CCSER2: variants seen among roughly 807,000 people sequenced by gnomAD.
CCSER2 encodes serine-rich coiled-coil domain-containing protein 2.
A neutral mutation model predicts 92.3 loss-of-function variants in CCSER2; 46 were observed. The ratio of observed to expected loss-of-function variants is 0.50; its 90% CI spans 0.39 to 0.64. The LOEUF (loss-of-function observed/expected upper bound fraction) is 0.64, where lower values mean the gene tolerates loss of function less well. Among genes scored for constraint, CCSER2 ranks in the 30% least tolerant of loss-of-function variants. The probability of loss-of-function intolerance (pLI) is 0.00; values close to 1 mark genes in which losing one functional copy is unlikely to be tolerated. For synonymous variants in CCSER2, 433 were observed against 431.4 expected, an observed-to-expected ratio of 1.00 and a Z score of -0.04; for missense variants, 1,244 against 1,238.9, an observed-to-expected ratio of 1.00 and a Z score of -0.06.
At chr10:84,403,120 A>G (rs1337285721) in intron 3 of CCSER2, among the ~76,000 whole-genome samples, 1 of 152,206 alleles carries the variant, frequency 6.6e-6, no homozygotes, top group Non-Finnish European at 1.5e-5. Context: ...ACATAGATCA[A>G]TGGAACGGAA....
At position 84,438,604 on chromosome 10, in the gene CCSER2, C is replaced by T. The variant is rs774978865; in HGVS notation, c.1961C>T (p.Pro654Leu). 1.2e-6 allele frequency: 2 copies of T among 1,613,110 alleles called. No homozygotes were observed. The highest frequency in any genetic ancestry group is 1.7e-6 in the Non-Finnish European group (2 of 1,179,254). Reference sequence around the variant, plus strand: ...GCTCAGAAGATGTTTGTTGATGTACCAGAAAATACAGTGATACTGGATGAG... The same window carrying T: ...GCTCAGAAGATGTTTGTTGATGTACTAGAAAATACAGTGATACTGGATGAG... ...FQAQKMFVDV[P>L]ENTVILDEMT... Residue 654 changes from proline to leucine, a missense_variant, in exon 6 of 10, where the codon CCA (proline) becomes CTA (leucine). By Grantham distance (98) the Pro-to-Leu change is moderately conservative (BLOSUM62 -3). Coordinates refer to ENST00000372088, the MANE Select transcript of CCSER2 (RefSeq NM_001284240.2).
intron 3 of CCSER2, among the ~76,000 whole-genome samples, chr10:84,416,531 G>A (rs1166097134): frequency 1.3e-5 from 2 of 152,152 alleles, no homozygotes; most frequent in East Asian, 1.9e-4. Context: ...AGTCTTTGGA[G>A]GGCCCAACAC....
intron 6 of CCSER2, among the ~76,000 whole-genome samples, chr10:84,457,345 TATATA>T (rs1845773116): frequency 1.6e-5 from 1 of 64,026 alleles, no homozygotes; most frequent in Non-Finnish European, 3.1e-5. Context: ...TTATATATTA[TATATA>T]ATATATATAT....
intron 6 of CCSER2, among the ~76,000 whole-genome samples, chr10:84,445,291 C>T (rs903787281): frequency 2.6e-5 from 4 of 152,040 alleles, no homozygotes; most frequent in Non-Finnish European, 5.9e-5. Flanking sequence ...GTAGCTGGGA[C>T]TACAGGCGCC....
At chr10:84,450,683 T>G (rs1052224789) in intron 6 of CCSER2, among the ~76,000 whole-genome samples, 2 of 152,216 alleles carry the variant, frequency 1.3e-5, no homozygotes, top group Non-Finnish European at 2.9e-5. Context: ...TGATGTTTTA[T>G]TTTTAAAAAC....
At chr10:84,384,555 T>C (rs531900527) in intron 3 of CCSER2, among the ~76,000 whole-genome samples, 2 of 152,046 alleles carry the variant, frequency 1.3e-5, no homozygotes, top group Non-Finnish European at 2.9e-5. Flanking sequence ...GAAAAAGCAT[T>C]TGATAAAATA....
chr10:84,388,903 C>A (rs533440780), intron 3 of CCSER2, among the ~76,000 whole-genome samples: 26 of 152,176 alleles, frequency 1.7e-4, no homozygotes, highest in Non-Finnish European at 2.9e-4. Flanking sequence ...TGCTGTGCAG[C>A]TCAGTTCTTA....
chr10:84,464,607 T>C (rs1339441893), intron 7 of CCSER2, among the ~76,000 whole-genome samples: 1 of 152,206 alleles, frequency 6.6e-6, no homozygotes, highest in Non-Finnish European at 1.5e-5. Flanking sequence ...GGTACACTTA[T>C]TAGTGTTTGC....
intron 5 of CCSER2, among the ~76,000 whole-genome samples, chr10:84,436,210 C>A (rs559747468): frequency 1.0e-4 from 15 of 150,052 alleles, no homozygotes; most frequent in Admixed American, 8.7e-4. Flanking sequence ...CTTGTAGTCC[C>A]AGCTACTCGG....
rs140556297 is a variant in CCSER2 at position 84,474,388 on chromosome 10, C to T, written c.2236-3187C>T. Among the ~76,000 whole-genome samples, 35 of 152,170 alleles carry T rather than the reference C, an allele frequency of 2.3e-4. No homozygotes were observed. In the East Asian group the frequency reaches 6.2e-3, roughly 27 times the overall value. On this transcript the variant is annotated intron_variant, in intron 8 of 9. Coordinates refer to ENST00000372088, the MANE Select transcript of CCSER2 (RefSeq NM_001284240.2). ...AATAAAAGTAGTACTGGGCTGGGCA[C>T]GGTGGCTCATACCTATAATCCCAGC...
intron 9 of CCSER2, among the ~76,000 whole-genome samples, chr10:84,501,862 C>CATATAT (rs561729632): frequency 2.9e-5 from 2 of 69,514 alleles, no homozygotes; most frequent in Non-Finnish European, 7.4e-5. Context: ...TATATATACT[C>CATATAT]ATATATATAT....
intron 3 of CCSER2, among the ~76,000 whole-genome samples, chr10:84,392,629 C>A (rs1019893575): frequency 2.6e-5 from 4 of 151,894 alleles, no homozygotes; most frequent in Non-Finnish European, 5.9e-5. Context: ...CTTGCCTTCC[C>A]ATAGTAGAAG....
chr10:84,378,614 T>C (rs983481976), intron 3 of CCSER2, among the ~76,000 whole-genome samples: 26 of 152,094 alleles, frequency 1.7e-4, no homozygotes, highest in African/African-American at 5.8e-4. Flanking sequence ...TTTGTATTTT[T>C]AGTAGAGACA....
At chr10:84,451,990 T>C (rs1009279796) in intron 6 of CCSER2, among the ~76,000 whole-genome samples, 3 of 152,220 alleles carry the variant, frequency 2.0e-5, no homozygotes, top group African/African-American at 7.2e-5. Context: ...CATTCTGGAC[T>C]GTGTGATGTG....
chr10:84,346,396 A>G (rs1342994814), intron 1 of CCSER2, among the ~76,000 whole-genome samples: 1 of 152,208 alleles, frequency 6.6e-6, no homozygotes, highest in Non-Finnish European at 1.5e-5. Context: ...AATTAAAAAA[A>G]AAAAAACTAA....
At chr10:84,379,609 A>T (rs1382470947) in intron 3 of CCSER2, among the ~76,000 whole-genome samples, 1 of 39,756 alleles carries the variant, frequency 2.5e-5, no homozygotes, top group African/African-American at 7.6e-5. Context: ...TATAGCAGTT[A>T]GTTCTTTTTA....
chr10:84,515,155 AG>A lies in CCSER2; in HGVS notation c.*890del, dbSNP rs1849554827. The stretch of plus-strand genomic sequence containing the variant: ...TTGTGGATCCATGATAGCCATTTTA[AG>A]GTTCCACAGCATTATGTCTTTAATT... On this transcript the variant is annotated 3_prime_UTR_variant, in exon 10 of 10. Transcript: ENST00000372088. 6.6e-6 allele frequency: 1 copy of A among 152,592 alleles called. No individual in the cohort carries two copies. Among genetic ancestry groups the A allele is most frequent in the African/African-American group, 2.4e-5 (1 of 41,444 alleles). The allele number at this position is 152,592 out of a possible 1,614,324, so 9.5% of individuals were successfully genotyped here. A position where few individuals can be genotyped will look rare whatever the true frequency, so the allele number is the denominator to read the frequency against.
At chr10:84,367,974 T>C (rs930490114) in intron 1 of CCSER2, among the ~76,000 whole-genome samples, 2 of 152,130 alleles carry the variant, frequency 1.3e-5, no homozygotes, top group Non-Finnish European at 2.9e-5. Context: ...TCCCATCTCC[T>C]TAGATTGCGT....
At chr10:84,468,476 A>G in intron 7 of CCSER2, among the ~76,000 whole-genome samples, 1 of 152,234 alleles carries the variant, frequency 6.6e-6, no homozygotes. Context: ...AATTAAAAGT[A>G]AAATTAAAAC....
Sources: gnomAD v4.1 joint callset for allele counts (sites outside exome capture counted in the v4.1 genomes callset) on GRCh38, gnomAD v4.1.1 for gene constraint, MANE v1.5 for transcripts, NCBI Gene and HGNC (gene_info 2026-07-23, HGNC 2026-07-21) for gene names.